ARHGAP42: variants seen among roughly 807,000 people sequenced by gnomAD.
The protein encoded by ARHGAP42 is rho GTPase-activating protein 42.
ARHGAP42 carries 63 observed loss-of-function variants against 125.0 expected under a neutral mutation model. The ratio of observed to expected loss-of-function variants is 0.50; its 90% confidence interval spans 0.41 to 0.62. ARHGAP42 has a LOEUF of 0.62. ARHGAP42 is among the 20% of genes least tolerant of loss of function. ARHGAP42 has a pLI of 0.00. For synonymous variants in ARHGAP42, 339 were observed against 351.0 expected, an observed-to-expected ratio of 0.97 and a Z score of 0.38; for missense variants, 766 against 1,024.2, an observed-to-expected ratio of 0.75 and a Z score of 3.44.
intron 1 of ARHGAP42, among the ~76,000 whole-genome samples, chr11:100,725,251 A>G (rs554502225): frequency 1.3e-5 from 2 of 151,776 alleles, no homozygotes; most frequent in South Asian, 4.2e-4. Flanking sequence ...GCTCACTGCA[A>G]CCTCTGCCTC....
At chr11:100,917,494 A>T (rs1330353606) in intron 5 of ARHGAP42, among the ~76,000 whole-genome samples, 2 of 151,802 alleles carry the variant, frequency 1.3e-5, no homozygotes, top group African/African-American at 2.4e-5. Flanking sequence ...CTTGCACCTC[A>T]CCCTCTTTTC....
chr11:100,968,986 C>G (rs1266031781), intron 17 of ARHGAP42, among the ~76,000 whole-genome samples: 4 of 151,914 alleles, frequency 2.6e-5, no homozygotes, highest in Non-Finnish European at 5.9e-5. Context: ...GAATTACAGT[C>G]TAAGGTCACT....
chr11:100,770,932 G>T (rs1287248348), intron 2 of ARHGAP42, among the ~76,000 whole-genome samples: 1 of 152,126 alleles, frequency 6.6e-6, no homozygotes, highest in East Asian at 1.9e-4. Context: ...TTGTTTGTTT[G>T]TTGTTTCCAT....
intron 2 of ARHGAP42, among the ~76,000 whole-genome samples, chr11:100,777,940 G>T (rs772984942): frequency 6.6e-6 from 1 of 152,132 alleles, no homozygotes; most frequent in Non-Finnish European, 1.5e-5. Flanking sequence ...CCTAGTGCTT[G>T]CAGAAGCCAT....
Position 100,992,438 on chromosome 11 carries a change from T to C in ARHGAP42, c.*3637T>C, listed in dbSNP as rs927935401. 6.2e-7 allele frequency: 1 copy of C among 1,614,136 alleles called. No individual in the cohort carries two copies. The highest frequency in any genetic ancestry group is 1.1e-5 in the South Asian group (1 of 91,088). On this transcript the variant is annotated 3_prime_UTR_variant, in exon 24 of 24. Coordinates refer to ENST00000298815, the MANE Select transcript of ARHGAP42 (RefSeq NM_152432.4). Reference sequence around the variant, plus strand: ...TAAAGGTTTCCCCTTAGGGTACACATTGCTATTTAACTTTGCCTCCTACCC... The same window carrying C: ...TAAAGGTTTCCCCTTAGGGTACACACTGCTATTTAACTTTGCCTCCTACCC...
rs144821073 is a variant in ARHGAP42, at chr11:100,875,333, G to A, written c.384+15708G>A. On this transcript the variant is annotated intron_variant, in intron 4 of 23. Transcript: ENST00000298815. ...CCCGGTGCCCAGCCTCCCACCATCC[G>A]CTTTATCAGGTCCTGTTCCTAGGAG... Among the ~76,000 whole-genome samples the A allele has an allele frequency of 4.9e-3, 747 of 152,096 alleles. 2 individuals carry two copies. Among genetic ancestry groups the A allele is most frequent in the Non-Finnish European group, 8.1e-3 (552 of 67,986 alleles).
At chr11:100,849,428 G>T (rs746727882) in intron 3 of ARHGAP42, among the ~76,000 whole-genome samples, 28 of 152,314 alleles carry the variant, frequency 1.8e-4, no homozygotes, top group Middle Eastern at 6.8e-3. Flanking sequence ...ATGACTAAGA[G>T]CCTGTGCTCA....
chr11:100,790,280 C>G (rs1231260450), intron 2 of ARHGAP42, among the ~76,000 whole-genome samples: 1 of 151,890 alleles, frequency 6.6e-6, no homozygotes, highest in Non-Finnish European at 1.5e-5. Flanking sequence ...AGGTATGATT[C>G]AACTATTATG....
chr11:100,700,662 A>G (rs528152605), intron 1 of ARHGAP42, among the ~76,000 whole-genome samples: 2 of 152,326 alleles, frequency 1.3e-5, no homozygotes, highest in South Asian at 4.1e-4. Context: ...TTCGTTCAAG[A>G]TTGATCATGA....
intron 12 of ARHGAP42, among the ~76,000 whole-genome samples, chr11:100,951,449 G>C (rs1157992611): frequency 6.6e-6 from 1 of 152,148 alleles, no homozygotes; most frequent in Non-Finnish European, 1.5e-5. Context: ...CATTTGAGAA[G>C]AGTGTGAAAT....
At chr11:100,943,959 GT>G (rs971979909) in intron 10 of ARHGAP42, 91 bp downstream of exon 10, 2 of 818,164 alleles carry the variant, frequency 2.4e-6, no homozygotes, top group African/African-American at 1.7e-5. Context: ...GCATTCAAGT[GT>G]TTTTTAGTCT....
intron 2 of ARHGAP42, among the ~76,000 whole-genome samples, chr11:100,779,248 A>T (rs1187325449): frequency 6.6e-6 from 1 of 151,500 alleles, no homozygotes; most frequent in Non-Finnish European, 1.5e-5. Flanking sequence ...GGAGTTCGAG[A>T]CCAGCCTGAC....
chr11:100,907,691 A>G (rs1591286322), intron 4 of ARHGAP42, among the ~76,000 whole-genome samples: 1 of 152,142 alleles, frequency 6.6e-6, no homozygotes, highest in Admixed American at 6.5e-5. Context: ...TGTGCTAGCA[A>G]CTGGCCCTTC....
intron 1 of ARHGAP42, among the ~76,000 whole-genome samples, chr11:100,731,981 T>C (rs899957629): frequency 6.6e-6 from 1 of 151,208 alleles, no homozygotes; most frequent in African/African-American, 2.4e-5. Flanking sequence ...TGAGATGGAG[T>C]TTCGCTCTTG....
intron 1 of ARHGAP42, among the ~76,000 whole-genome samples, chr11:100,714,114 C>A (rs1861610761): frequency 6.6e-6 from 1 of 152,040 alleles, no homozygotes; most frequent in Non-Finnish European, 1.5e-5. Flanking sequence ...CATGAGTAAA[C>A]CGTAATGGGC....
chr11:100,984,341 A>AT (rs5794088), intron 22 of ARHGAP42, among the ~76,000 whole-genome samples: 149,775 of 149,776 alleles, frequency 1, 74,887 homozygotes, highest in Middle Eastern at 1. Context: ...GCTCTAATTT[A>AT]TTTTTAAGTT....
intron 2 of ARHGAP42, among the ~76,000 whole-genome samples, chr11:100,772,127 T>C (rs1862996580): frequency 6.6e-6 from 1 of 152,182 alleles, no homozygotes; most frequent in Non-Finnish European, 1.5e-5. Flanking sequence ...TTTATTAGCT[T>C]TGACTCCCTA....
In ARHGAP42 at chr11:100,961,548, C is replaced by G. The variant is rs150662590; in HGVS notation, c.1301-136C>G. On this transcript the variant is annotated intron_variant, in intron 14 of 23. Coordinates refer to ENST00000298815, the MANE Select transcript of ARHGAP42 (RefSeq NM_152432.4). The stretch of plus-strand genomic sequence containing the variant: ...TTATCAATTCACGCAAACAACAGTA[C>G]TAATGTTAACTCTTGGCATTCTAAG... 817 of 681,174 alleles carry G rather than the reference C, an allele frequency of 1.2e-3. 4 individuals are homozygous for G. Among genetic ancestry groups the G allele is most frequent in the African/African-American group, 0.011 (630 of 54,922 alleles). 42.2% of individuals were successfully genotyped at this position (681,174 alleles called of 1,614,324 possible). A position where few individuals can be genotyped will look rare whatever the true frequency, so the allele number is the denominator to read the frequency against.
intron 16 of ARHGAP42, 36 bp downstream of exon 16, chr11:100,962,503 A>G (rs769832071): frequency 1.3e-4 from 192 of 1,475,140 alleles, no homozygotes; most frequent in Admixed American, 4.0e-5. Context: ...ATTATAATTG[A>G]TGTAGTTTTA....
Sources: gnomAD v4.1 joint callset for allele counts (sites outside exome capture counted in the v4.1 genomes callset) on GRCh38, gnomAD v4.1.1 for gene constraint, MANE v1.5 for transcripts, NCBI Gene and HGNC (gene_info 2026-07-23, HGNC 2026-07-21) for gene names.